Variants in TTC7A observed in about 807,000 individuals in gnomAD.
The protein encoded by TTC7A is tetratricopeptide repeat protein 7A.
TTC7A carries 110 observed loss-of-function variants against 103.7 expected under a neutral mutation model. The observed-to-expected ratio is 1.06, with a 90% CI of 0.91 to 1.24. TTC7A has a LOEUF of 1.24. Among genes scored for constraint, TTC7A ranks in the 50% most tolerant of loss-of-function variants. The probability of loss-of-function intolerance (pLI) is 0.00; values close to 1 mark genes in which losing one functional copy is unlikely to be tolerated. For missense variants in TTC7A, 1,340 were observed against 1,116.3 expected (o/e 1.20, Z -2.86); for synonymous variants, 521 against 467.9 (o/e 1.11, Z -1.47).
chr2:47,030,293 A>G (rs2104597656), intron 15 of TTC7A, among the ~76,000 whole-genome samples: 1 of 152,308 alleles, frequency 6.6e-6, no homozygotes, highest in South Asian at 2.1e-4. Context: ...ATTAGGAAAA[A>G]ATTGCTGGGT....
At chr2:46,993,992 G>A (rs1675894772) in intron 6 of TTC7A, among the ~76,000 whole-genome samples, 1 of 152,212 alleles carries the variant, frequency 6.6e-6, no homozygotes, top group African/African-American at 2.4e-5. Flanking sequence ...ACCTGAGAGA[G>A]AGAGAGCTGC....
intron 2 of TTC7A, among the ~76,000 whole-genome samples, chr2:46,922,144 AAAC>A (rs1163843919): frequency 2.0e-5 from 3 of 152,102 alleles, no homozygotes; most frequent in African/African-American, 4.8e-5. Flanking sequence ...TAGGGTCATC[AAAC>A]AACAACTTTA....
intron 17 of TTC7A, 123 bp downstream of exon 17, chr2:47,050,169 C>T: frequency 2.5e-6 from 2 of 814,850 alleles, no homozygotes; most frequent in South Asian, 3.1e-5. Context: ...CCACTGGCTC[C>T]TTGCCAGCTC....
At chr2:46,993,319 A>T (rs1675815521) in intron 5 of TTC7A, 131 bp from the exon 6 acceptor site, 1 of 809,286 alleles carries the variant, frequency 1.2e-6, no homozygotes, top group South Asian at 1.6e-5. Flanking sequence ...CTAACTTTTC[A>T]CTCCAGTTAT....
At chr2:47,055,416 T>C (rs1683231887) in intron 18 of TTC7A, among the ~76,000 whole-genome samples, 1 of 152,132 alleles carries the variant, frequency 6.6e-6, no homozygotes, top group South Asian at 2.1e-4. Flanking sequence ...GAGAAGCTGA[T>C]GAATGGTACC....
At chr2:46,955,856 T>C (rs1439402163) in intron 2 of TTC7A, among the ~76,000 whole-genome samples, 1 of 152,172 alleles carries the variant, frequency 6.6e-6, no homozygotes, top group Non-Finnish European at 1.5e-5. Context: ...CGGGGAGTTT[T>C]ATGGACAGAT....
At chr2:46,974,558 G>C in intron 3 of TTC7A, 1 of 425,706 alleles carries the variant, frequency 2.3e-6, no homozygotes, top group Admixed American at 2.5e-5. Flanking sequence ...GGAGTGTCTG[G>C]TGAAGGGAAG....
intron 1 of TTC7A, among the ~76,000 whole-genome samples, chr2:46,945,970 C>T (rs1485575102): frequency 1.3e-5 from 2 of 152,184 alleles, no homozygotes; most frequent in East Asian, 1.9e-4. Flanking sequence ...CTGGCTAGAC[C>T]AATGTTTCCT....
chr2:46,976,862 C>T (rs879335362), intron 4 of TTC7A, among the ~76,000 whole-genome samples: 1 of 152,142 alleles, frequency 6.6e-6, no homozygotes, highest in Non-Finnish European at 1.5e-5. Context: ...CTTGATTGGA[C>T]TTTAGGAGGA....
chr2:46,993,331 G>C, intron 5 of TTC7A, 119 bp from the exon 6 acceptor site: 2 of 899,678 alleles, frequency 2.2e-6, no homozygotes, highest in Non-Finnish European at 3.6e-6. Flanking sequence ...TCCAGTTATC[G>C]AATGTGTTCA....
chr2:47,006,491 G>T, intron 9 of TTC7A, 150 bp from the exon 10 acceptor site: 1 of 700,438 alleles, frequency 1.4e-6, no homozygotes, highest in Non-Finnish European at 2.5e-6. Context: ...CAGGAACTGG[G>T]TTTCGGCAGG....
chr2:47,073,252 G>A (rs1684926192), intron 19 of TTC7A, among the ~76,000 whole-genome samples: 1 of 152,198 alleles, frequency 6.6e-6, no homozygotes, highest in African/African-American at 2.4e-5. Flanking sequence ...TGGCCCCACT[G>A]AGTGAGAACA....
rs1425465419 is a variant in TTC7A, at chr2:47,014,989, G to A, written c.1392+3554G>A. ...TTGTGGCAGGCAGAGGGACGTGCATGGTCACGTGCTGGCTGGCTGATTCGG... is the reference window on the plus strand; with the variant it reads ...TTGTGGCAGGCAGAGGGACGTGCATAGTCACGTGCTGGCTGGCTGATTCGG... On this transcript the variant is annotated intron_variant, in intron 11 of 19. Transcript: ENST00000319190. Among the ~76,000 whole-genome samples, 3 of 152,378 alleles carry A rather than the reference G, an allele frequency of 2.0e-5. No individual in the cohort carries two copies. The East Asian group carries it at 5.8e-4, about 29-fold the overall frequency.
chr2:47,068,562 G>A (rs1274677086), intron 19 of TTC7A: 1 of 152,096 alleles, frequency 6.6e-6, no homozygotes, highest in Admixed American at 6.6e-5. Flanking sequence ...ATTCCCTGAT[G>A]GGAAAGTAGA....
chr2:46,969,956 A>G (rs1260105190), intron 3 of TTC7A, among the ~76,000 whole-genome samples: 2 of 152,182 alleles, frequency 1.3e-5, no homozygotes, highest in African/African-American at 2.4e-5. Flanking sequence ...GCTTAACTCT[A>G]CCTGGCAGGG....
At chr2:46,939,916 A>T (rs890462001), upstream of TTC7A, among the ~76,000 whole-genome samples, 5 of 152,118 alleles carry the variant, frequency 3.3e-5, no homozygotes, top group Admixed American at 3.3e-4. Flanking sequence ...GCTTCCCTTC[A>T]TCTACCTCCT....
At chr2:47,059,907 G>A (rs890082379) in intron 18 of TTC7A, among the ~76,000 whole-genome samples, 2 of 152,206 alleles carry the variant, frequency 1.3e-5, no homozygotes, top group Admixed American at 6.5e-5. Context: ...CTATAATCTC[G>A]GCATTTTGGG....
chr2:47,070,217 C>T (rs987397460), intron 19 of TTC7A, among the ~76,000 whole-genome samples: 1 of 152,244 alleles, frequency 6.6e-6, no homozygotes, highest in African/African-American at 2.4e-5. Flanking sequence ...CCTCCCAGGC[C>T]ACAGCCCCTG....
chr2:47,073,924 C>A lies in TTC7A; in HGVS notation c.*1C>A, dbSNP rs776304180. On this transcript the variant is annotated 3_prime_UTR_variant, in exon 20 of 20. Coordinates refer to ENST00000319190, the MANE Select transcript of TTC7A (RefSeq NM_020458.4). Reference sequence around the variant, plus strand: ...CTCCATCATCCCCAGAGAGCTCTGACGACGCTGCAGCCGCAGGGAGGGAGG... The same window carrying A: ...CTCCATCATCCCCAGAGAGCTCTGAAGACGCTGCAGCCGCAGGGAGGGAGG... 17 of 1,608,228 alleles carry A rather than the reference C, an allele frequency of 1.1e-5. No individual in the cohort carries two copies. Among genetic ancestry groups the A allele is most frequent in the Non-Finnish European group, 1.4e-5 (17 of 1,177,108 alleles).
Sources: allele counts gnomAD v4.1 joint callset (sites outside exome capture counted in the v4.1 genomes callset), GRCh38; gene constraint gnomAD v4.1.1; transcripts MANE v1.5; gene names NCBI Gene and HGNC (gene_info 2026-07-23, HGNC 2026-07-21).